AUTS2: variants seen among roughly 807,000 people sequenced by gnomAD.
AUTS2 encodes the protein activator of transcription and developmental regulator AUTS2.
Under a neutral mutation model 112.4 loss-of-function variants are expected in AUTS2, and 17 were observed. The ratio of observed to expected loss-of-function variants is 0.15; its 90% confidence interval spans 0.10 to 0.23. AUTS2 has a LOEUF of 0.23. Among genes scored for constraint, AUTS2 ranks in the 10% least tolerant of loss-of-function variants. AUTS2 has a pLI of 1.00. For missense variants in AUTS2, 1,510 were observed against 1,701.6 expected (o/e 0.89, Z 1.98); for synonymous variants, 751 against 702.7 (o/e 1.07, Z -1.09).
At chr7:69,968,426 G>T (rs1384027556) in intron 2 of AUTS2, among the ~76,000 whole-genome samples, 1 of 152,198 alleles carries the variant, frequency 6.6e-6, no homozygotes, top group African/African-American at 2.4e-5. Context: ...TAGGGGAAAA[G>T]TGTACTTTCT....
chr7:69,916,863 C>G (rs6968426), intron 2 of AUTS2, among the ~76,000 whole-genome samples: 12,648 of 152,182 alleles, frequency 0.083, 671 homozygotes, highest in African/African-American at 0.14. Context: ...TCTAATCTTG[C>G]CACTGTTAAA....
chr7:69,781,933 T>C (rs574745065), intron 1 of AUTS2, among the ~76,000 whole-genome samples: 3 of 152,294 alleles, frequency 2.0e-5, no homozygotes, highest in East Asian at 3.9e-4. Context: ...GAAAGACTTA[T>C]TAATTCCCCT....
intron 18 of AUTS2, among the ~76,000 whole-genome samples, chr7:70,788,895 C>A (rs1006570359): frequency 6.6e-6 from 1 of 152,136 alleles, no homozygotes; most frequent in Non-Finnish European, 1.5e-5. Flanking sequence ...TCAAGTTTTA[C>A]CTTATTGTCA....
At chr7:70,050,831 C>T (rs1801718750) in intron 2 of AUTS2, among the ~76,000 whole-genome samples, 1 of 152,124 alleles carries the variant, frequency 6.6e-6, no homozygotes, top group African/African-American at 2.4e-5. Context: ...CCCACCTCTA[C>T]TAAAAATACA....
chr7:70,077,077 A>C (rs972512213), intron 2 of AUTS2, among the ~76,000 whole-genome samples: 24 of 152,196 alleles, frequency 1.6e-4, no homozygotes, highest in African/African-American at 5.5e-4. Flanking sequence ...AGGGGAGAGC[A>C]GTGGGTAGAA....
chr7:70,706,233 G>T (rs915168105), intron 6 of AUTS2, among the ~76,000 whole-genome samples: 12 of 152,314 alleles, frequency 7.9e-5, no homozygotes, highest in Admixed American at 5.9e-4. Context: ...TTTATTCTGG[G>T]ATCCAGGCCA....
intron 1 of AUTS2, among the ~76,000 whole-genome samples, chr7:69,639,341 A>C (rs966711196): frequency 6.6e-6 from 1 of 152,204 alleles, no homozygotes; most frequent in East Asian, 1.9e-4. Context: ...AACTCAAGAG[A>C]AAGGGGATAG....
intron 1 of AUTS2, among the ~76,000 whole-genome samples, chr7:69,768,360 A>G (rs1400274293): frequency 6.6e-6 from 1 of 152,260 alleles, no homozygotes; most frequent in Non-Finnish European, 1.5e-5. Flanking sequence ...ATTTAATTTT[A>G]CAATAACCTA....
chr7:70,564,325 C>G (rs1563044193), intron 5 of AUTS2, among the ~76,000 whole-genome samples: 1 of 152,184 alleles, frequency 6.6e-6, no homozygotes, highest in Non-Finnish European at 1.5e-5. Flanking sequence ...ACAGATTGTA[C>G]ATGACCTTAG....
At chr7:70,185,311 G>A (rs372292823) in intron 4 of AUTS2, among the ~76,000 whole-genome samples, 12 of 128,626 alleles carry the variant, frequency 9.3e-5, no homozygotes, top group Admixed American at 3.7e-4. Context: ...CCTATGTTGC[G>A]CTCGCTAGTG....
At chr7:70,187,332 A>G (rs1809655130) in intron 4 of AUTS2, among the ~76,000 whole-genome samples, 1 of 152,218 alleles carries the variant, frequency 6.6e-6, no homozygotes, top group Non-Finnish European at 1.5e-5. Flanking sequence ...ATTGATAGAT[A>G]TTTATATACT....
chr7:69,754,716 G>A (rs550659215), intron 1 of AUTS2, among the ~76,000 whole-genome samples: 3 of 152,234 alleles, frequency 2.0e-5, no homozygotes, highest in African/African-American at 7.2e-5. Context: ...TTTTGTGCCA[G>A]GAACTTTAAG....
intron 5 of AUTS2, among the ~76,000 whole-genome samples, chr7:70,446,216 G>A (rs552150278): frequency 2.0e-5 from 3 of 152,358 alleles, no homozygotes; most frequent in South Asian, 2.1e-4. Context: ...CAAATGCTGC[G>A]TGGGCTGTTC....
At chr7:70,326,060 CAGCACAGCAGGTTGAGCCTAG>C (rs1165720441) in intron 4 of AUTS2, among the ~76,000 whole-genome samples, 1 of 152,178 alleles carries the variant, frequency 6.6e-6, no homozygotes, top group Non-Finnish European at 1.5e-5. Flanking sequence ...GCCTCCAGGT[CAGCACAGCAGGTTGAGCCTAG>C]AGAGGCAATC....
At chr7:69,698,554 G>T (rs1797660161) in intron 1 of AUTS2, among the ~76,000 whole-genome samples, 1 of 152,164 alleles carries the variant, frequency 6.6e-6, no homozygotes, top group Non-Finnish European at 1.5e-5. Flanking sequence ...GTCATAGGCT[G>T]CCTCTTTATT....
intron 1 of AUTS2, among the ~76,000 whole-genome samples, chr7:69,818,940 A>G (rs1790873491): frequency 6.6e-6 from 1 of 152,136 alleles, no homozygotes; most frequent in Non-Finnish European, 1.5e-5. Flanking sequence ...GATTGTGTTT[A>G]GTAAGTAGAT....
chr7:70,472,574 T>C (rs1203496773), intron 5 of AUTS2, among the ~76,000 whole-genome samples: 1 of 152,182 alleles, frequency 6.6e-6, no homozygotes, highest in African/African-American at 2.4e-5. Context: ...TTACCAGCCA[T>C]TAAAAATGTG....
chr7:70,577,220 C>T (rs1802207504), intron 5 of AUTS2, among the ~76,000 whole-genome samples: 1 of 152,124 alleles, frequency 6.6e-6, no homozygotes, highest in African/African-American at 2.4e-5. Context: ...TCTTGCAACC[C>T]CCATGAACTG....
chr7:70,073,537 G>T (rs1802888657), intron 2 of AUTS2, among the ~76,000 whole-genome samples: 1 of 151,734 alleles, frequency 6.6e-6, no homozygotes, highest in South Asian at 2.1e-4. Context: ...AAATGGGATG[G>T]GTCAGCCTTG....
Sources: gnomAD v4.1 joint callset for allele counts (sites outside exome capture counted in the v4.1 genomes callset) on GRCh38, gnomAD v4.1.1 for gene constraint, MANE v1.5 for transcripts, NCBI Gene and HGNC (gene_info 2026-07-23, HGNC 2026-07-21) for gene names.